ATXN10: variants seen among roughly 807,000 people sequenced by gnomAD.
ATXN10 encodes the protein ataxin 10.
A neutral mutation model predicts 52.9 loss-of-function variants in ATXN10; 28 were observed. The ratio of observed to expected loss-of-function variants is 0.53; its 90% confidence interval spans 0.39 to 0.73. The LOEUF (loss-of-function observed/expected upper bound fraction) is 0.73. ATXN10 is among the 30% of genes least tolerant of loss of function. The probability of loss-of-function intolerance (pLI) is 0.00; values close to 1 mark genes in which losing one functional copy is unlikely to be tolerated. For synonymous variants in ATXN10, 226 were observed against 221.5 expected (o/e 1.02, Z -0.18); for missense variants, 565 against 577.0 (o/e 0.98, Z 0.21).
At position 45,684,920 on chromosome 22, in the gene ATXN10, G is replaced by T. The variant is rs138181114; in HGVS notation, c.117-4792G>T. ...AGATTATGGTTTTAGATAACAACCA[G>T]TGATTGTTGTTTTAATCTGTGAACT... is the stretch of plus-strand genomic sequence containing the variant. On this transcript the variant is annotated intron_variant, in intron 1 of 11. Coordinates refer to ENST00000252934, the MANE Select transcript of ATXN10 (RefSeq NM_013236.4). The surrounding 1 kb of genome is among the most constrained non-coding windows in gnomAD (Gnocchi z 4.1). Among the ~76,000 whole-genome samples the T allele has an allele frequency of 7.4e-3, 1,130 of 152,340 alleles. 18 individuals carry two copies. The highest frequency in any genetic ancestry group is 0.026 in the African/African-American group (1,067 of 41,578).
intron 9 of ATXN10, among the ~76,000 whole-genome samples, chr22:45,778,572 A>G (rs1207737852): frequency 1.3e-5 from 2 of 152,192 alleles, no homozygotes; most frequent in African/African-American, 2.4e-5. Flanking sequence ...CGCGTTTACT[A>G]TTCTTGAGGT....
At position 45,694,382 on chromosome 22, in the gene ATXN10, T is replaced by TACATTACA. The variant is rs544693218; in HGVS notation, c.391+1304_391+1305insACATTACA. Among the ~76,000 whole-genome samples, 445 of 152,350 alleles carry TACATTACA rather than the reference T, an allele frequency of 2.9e-3. 2 individuals carry two copies. The highest frequency in any genetic ancestry group is 8.7e-3 in the South Asian group (42 of 4,828). ...AAATCTTAATGTAGGCTGGGTGCCG[T>TACATTACA]GGCTCATGCCTGTAATTCTAGCACT... On this transcript the variant is annotated intron_variant, in intron 3 of 11. Coordinates refer to ENST00000252934, the MANE Select transcript of ATXN10 (RefSeq NM_013236.4).
At chr22:45,685,230 T>A (rs1223860295) in intron 1 of ATXN10, among the ~76,000 whole-genome samples, 1 of 152,144 alleles carries the variant, frequency 6.6e-6, no homozygotes, top group Admixed American at 6.5e-5. Flanking sequence ...CAAACAGAAC[T>A]TGCCAAGATT....
chr22:45,738,122 TC>T (rs148647858), intron 7 of ATXN10, among the ~76,000 whole-genome samples: 1,729 of 152,336 alleles, frequency 0.011, 36 homozygotes, highest in African/African-American at 0.039. Flanking sequence ...CTGGGTAGTT[TC>T]TTGGTCATGC....
At position 45,842,130 on chromosome 22, in the gene ATXN10, G is replaced by T. The variant is rs751407018; in HGVS notation, c.1238-861G>T. Reference sequence around the variant, plus strand: ...AGTAGGGACACAGCCTCTCTTGGCAGTCTCTTACATATGTCCCTGGATCCA... The same window carrying T: ...AGTAGGGACACAGCCTCTCTTGGCATTCTCTTACATATGTCCCTGGATCCA... On this transcript the variant is annotated intron_variant, in intron 10 of 11. Coordinates refer to ENST00000252934, the MANE Select transcript of ATXN10 (RefSeq NM_013236.4). This position sits in a 1 kb window ranked among gnomAD's most constrained non-coding sequence, Gnocchi z 4.8. Among the ~76,000 whole-genome samples the T allele has an allele frequency of 6.6e-6, 1 of 152,162 alleles. No homozygotes were observed. The highest frequency in any genetic ancestry group is 1.5e-5 in the Non-Finnish European group (1 of 68,018).
Position 45,843,865 on chromosome 22 carries a change from T to G in ATXN10, c.*194T>G. The G allele has an allele frequency of 1.6e-6, 1 of 624,398 alleles. No individual in the cohort carries two copies. The highest frequency in any genetic ancestry group is 2.8e-6 in the Non-Finnish European group (1 of 354,200). 38.7% of individuals were successfully genotyped at this position (624,398 alleles called of 1,614,324 possible). A position where few individuals can be genotyped will look rare whatever the true frequency, so the allele number is the denominator to read the frequency against. ...TGAGTGTTCTCTTGTTTCTTTGCAT[T>G]AATGTAACTGTGTGGTTTGCCTTTG... On this transcript the variant is annotated 3_prime_UTR_variant, in exon 12 of 12. Coordinates refer to ENST00000252934, the MANE Select transcript of ATXN10 (RefSeq NM_013236.4). This position sits in a 1 kb window ranked among gnomAD's most constrained non-coding sequence, Gnocchi z 4.5.
chr22:45,697,584 A>T (rs923877234), intron 3 of ATXN10, among the ~76,000 whole-genome samples: 1 of 152,130 alleles, frequency 6.6e-6, no homozygotes, highest in Non-Finnish European at 1.5e-5. Context: ...AGAATTAATT[A>T]TGTGACCTTT....
At chr22:45,798,387 C>A (rs1274440151) in intron 9 of ATXN10, among the ~76,000 whole-genome samples, 5 of 152,174 alleles carry the variant, frequency 3.3e-5, no homozygotes, top group Non-Finnish European at 5.9e-5. Context: ...GAAAAGCAGA[C>A]ACTTTAATTC....
At chr22:45,697,001 A>T (rs996455697) in intron 3 of ATXN10, among the ~76,000 whole-genome samples, 3 of 152,188 alleles carry the variant, frequency 2.0e-5, no homozygotes, top group African/African-American at 7.2e-5. Flanking sequence ...TAATTTAGGT[A>T]GTTGCATTTG....
intron 10 of ATXN10, among the ~76,000 whole-genome samples, chr22:45,838,144 A>G (rs1043296912): frequency 6.6e-6 from 1 of 152,228 alleles, no homozygotes; most frequent in Non-Finnish European, 1.5e-5. Context: ...TCTGCTGGTT[A>G]TTAATACCCT....
intron 9 of ATXN10, among the ~76,000 whole-genome samples, chr22:45,749,766 G>C (rs950179850): frequency 3.9e-5 from 6 of 151,948 alleles, no homozygotes; most frequent in African/African-American, 1.2e-4. Context: ...GGGTCTTACT[G>C]TGTTGCCCAG....
In ATXN10 at chr22:45,833,199, C is replaced by T. The variant is rs939425494; in HGVS notation, c.1238-9792C>T. On this transcript the variant is annotated intron_variant, in intron 10 of 11. Coordinates refer to ENST00000252934, the MANE Select transcript of ATXN10 (RefSeq NM_013236.4). The surrounding 1 kb of genome is among the most constrained non-coding windows in gnomAD (Gnocchi z 4.3). Reference sequence around the variant, plus strand: ...CATCATAGAGTCCTTGGGAAGCGCACGCATCTGGTATCTGTCCCTGTTCAC... The same window carrying T: ...CATCATAGAGTCCTTGGGAAGCGCATGCATCTGGTATCTGTCCCTGTTCAC... 2.3e-4 allele frequency among the ~76,000 whole-genome samples: 35 copies of T among 152,338 alleles called. No individual in the cohort carries two copies. The highest frequency in any genetic ancestry group is 3.4e-3 in the Middle Eastern group (1 of 294).
rs753156968 is a variant in ATXN10 at position 45,678,841 on chromosome 22, C to T, written c.116+6662C>T. 5 of 152,204 alleles carry T rather than the reference C, an allele frequency of 3.3e-5. No individual in the cohort carries two copies. Among genetic ancestry groups the T allele is most frequent in the Non-Finnish European group, 7.3e-5 (5 of 68,036 alleles). 9.4% of individuals were successfully genotyped at this position (152,204 alleles called of 1,614,324 possible). ...GCTGTGATTGATAGGATAAAATTAA[C>T]TATGTGTAGCTTACTTTGAACTACT... On this transcript the variant is annotated intron_variant, in intron 1 of 11. Transcript: ENST00000252934. The surrounding 1 kb of genome is among the most constrained non-coding windows in gnomAD (Gnocchi z 4.1).
chr22:45,831,584 T>C (rs1215628413), intron 10 of ATXN10, among the ~76,000 whole-genome samples: 1 of 152,194 alleles, frequency 6.6e-6, no homozygotes, highest in African/African-American at 2.4e-5. Context: ...TGTGATCTTA[T>C]TTCATCTTTG....
chr22:45,827,753 G>C (rs997433927), intron 10 of ATXN10, among the ~76,000 whole-genome samples: 5 of 152,170 alleles, frequency 3.3e-5, no homozygotes, highest in African/African-American at 9.7e-5. Context: ...TAAGGAAACA[G>C]AGGACTTAAT....
Position 45,828,027 on chromosome 22 carries a change from A to C in ATXN10, c.1238-14964A>C, listed in dbSNP as rs1601672307. ...AAAACATACTGTTAACCAGTAGATC[A>C]AAGAAGAAATCACAAGGGAAATTAG... On this transcript the variant is annotated intron_variant, in intron 10 of 11. Coordinates refer to ENST00000252934, the MANE Select transcript of ATXN10 (RefSeq NM_013236.4). This position sits in a 1 kb window ranked among gnomAD's most constrained non-coding sequence, Gnocchi z 4.5. Among the ~76,000 whole-genome samples the C allele has an allele frequency of 6.6e-6, 1 of 152,194 alleles. No homozygotes were observed. The highest frequency in any genetic ancestry group is 6.5e-5 in the Admixed American group (1 of 15,274).
In ATXN10 at chr22:45,740,388, TG is replaced by T. The variant is rs1267178829; in HGVS notation, c.1024del (p.Val342Ter). The T allele has an allele frequency of 1.2e-6, 2 of 1,613,778 alleles. No homozygotes were observed. Among genetic ancestry groups the T allele is most frequent in the African/African-American group, 2.7e-5 (2 of 74,888 alleles). ...TTATAGATCTTTTGCGGGTGATTCA[TG>T]TAGCTGGAAAAGAAACCACAAACAT... Reference protein sequence around the residue: ...RVIDLLRVIHVAGKETTNIFS... With the variant: ...RVIDLLRVIHXAGKETTNIFS... On this transcript the variant is annotated frameshift_variant, in exon 9 of 12. Coordinates refer to ENST00000252934, the MANE Select transcript of ATXN10 (RefSeq NM_013236.4). LOFTEE classifies it high-confidence loss of function.
In ATXN10 at chr22:45,795,415, A is replaced by ATTCTATTTT. The variant is rs1555896250; in HGVS notation, c.1174-11537_1174-11536insTTTTCTATT. On this transcript the variant is annotated intron_variant, in intron 9 of 11. Coordinates refer to ENST00000252934, the MANE Select transcript of ATXN10 (RefSeq NM_013236.4). This position sits in a 1 kb window ranked among gnomAD's most constrained non-coding sequence, Gnocchi z 4.6. Reference sequence around the variant, plus strand: ...ATTCTATTCTATTCTATTCTATTCTATTCTATTCTTTTTGAGATGAAGTCT... The same window carrying ATTCTATTTT: ...ATTCTATTCTATTCTATTCTATTCTATTCTATTTTTTCTATTCTTTTTGAGATGAAGTCT... Among the ~76,000 whole-genome samples the ATTCTATTTT allele has an allele frequency of 2.2e-5, 3 of 134,076 alleles. No homozygotes were observed. The highest frequency in any genetic ancestry group is 4.9e-5 in the Non-Finnish European group (3 of 61,380). The allele number at this position is 134,076 out of a possible 152,430, so 88.0% of individuals were successfully genotyped here.
rs1368584753 is a variant in ATXN10 at position 45,705,974 on chromosome 22, C to G, written c.647+3127C>G. On this transcript the variant is annotated intron_variant, in intron 5 of 11. Coordinates refer to ENST00000252934, the MANE Select transcript of ATXN10 (RefSeq NM_013236.4). The surrounding 1 kb of genome is among the most constrained non-coding windows in gnomAD (Gnocchi z 5.2). ...CAGATCATCAGCCACATTCGATTCT[C>G]TTAGGAGCACAAACCCTGTTGTGAA... Among the ~76,000 whole-genome samples the G allele has an allele frequency of 6.6e-6, 1 of 152,184 alleles. No homozygotes were observed. Among genetic ancestry groups the G allele is most frequent in the Non-Finnish European group, 1.5e-5 (1 of 68,040 alleles).
Sources: gnomAD v4.1 joint callset for allele counts (sites outside exome capture counted in the v4.1 genomes callset) on GRCh38, gnomAD v4.1.1 for gene constraint, Gnocchi (gnomAD v3.1) non-coding constraint, MANE v1.5 for transcripts, NCBI Gene and HGNC (gene_info 2026-07-23, HGNC 2026-07-21) for gene names.